Variants in IQGAP3 observed in about 807,000 individuals in gnomAD.
IQGAP3 encodes the protein IQ motif containing GTPase activating protein 3.
IQGAP3 carries 165 observed loss-of-function variants against 208.2 expected under a neutral mutation model. That is an observed-to-expected ratio of 0.79 (90% CI 0.70 to 0.90). The LOEUF is 0.90. Ranked by LOEUF, IQGAP3 falls within the 40% of genes least tolerant of loss-of-function variation. The probability of loss-of-function intolerance (pLI) is 0.00; values close to 1 mark genes in which losing one functional copy is unlikely to be tolerated. For synonymous variants in IQGAP3, 703 were observed against 803.6 expected, an observed-to-expected ratio of 0.87 and a Z score of 2.12; for missense variants, 1,811 against 2,043.1, an observed-to-expected ratio of 0.89 and a Z score of 2.19.
intron 10 of IQGAP3, 113 bp from the exon 11 acceptor site, chr1:156,561,134 C>T: frequency 1.4e-6 from 1 of 701,566 alleles, no homozygotes; most frequent in Non-Finnish European, 2.5e-6. Context: ...CTCAATCCTA[C>T]CTCTCTCCGT....
At chr1:156,537,854 C>A (rs1051104825) in intron 26 of IQGAP3, among the ~76,000 whole-genome samples, 2 of 152,070 alleles carry the variant, frequency 1.3e-5, no homozygotes, top group Admixed American at 6.5e-5. Context: ...TTCTTCTATA[C>A]CCCTATCAAT....
chr1:156,533,160 CACACACAT>C, intron 31 of IQGAP3, 54 bp from the exon 32 acceptor site: 1 of 1,580,226 alleles, frequency 6.3e-7, no homozygotes, highest in Non-Finnish European at 8.7e-7. Flanking sequence ...CACATGCGCA[CACACACAT>C]ACACACACAC....
chr1:156,560,904 G>C, intron 11 of IQGAP3, 30 bp downstream of exon 11: 1 of 1,458,956 alleles, frequency 6.9e-7, no homozygotes, highest in East Asian at 2.3e-5. Flanking sequence ...GATACGCACA[G>C]AGCAGGCCTC....
Position 156,548,669 on chromosome 1 carries a change from G to T in IQGAP3, c.1905C>A (p.Pro635=). 1 of 1,612,276 alleles carries T rather than the reference G, an allele frequency of 6.2e-7. No individual in the cohort carries two copies. Among genetic ancestry groups the T allele is most frequent in the Non-Finnish European group, 8.5e-7 (1 of 1,178,860 alleles). The change falls in exon 17 of 38, where the codon CCC becomes CCA. Residue 635 remains proline (P), a synonymous_variant. Coordinates refer to ENST00000361170, the MANE Select transcript of IQGAP3 (RefSeq NM_178229.5). Reference sequence around the variant, plus strand: ...GAACTACCCCTCGAAGGGCCACTGCGGGGTTCCTCAACACCCGCTCAGTCT... The same window carrying T: ...GAACTACCCCTCGAAGGGCCACTGCTGGGTTCCTCAACACCCGCTCAGTCT... ...AAQTERVLRN[P]AVALRGVVPD...
At chr1:156,546,612 C>T (rs749902661) in intron 19 of IQGAP3, among the ~76,000 whole-genome samples, 6 of 152,156 alleles carry the variant, frequency 3.9e-5, no homozygotes, top group Non-Finnish European at 7.3e-5. Context: ...ATGCTAAGTG[C>T]TACATGTAAT....
rs376756901 is a variant in IQGAP3, at chr1:156,566,091, T to A, written c.296A>T (p.His99Leu). ...EQLRYQATGL[H>L]FRHTDNINFW... ...GTTGATGTTGTCTGTGTGACGGAAA[T>A]GTAAGCCAGTTGCCTGAAAGGGAAG... Residue 99 changes from histidine to leucine, a missense_variant, in exon 4 of 38, where the codon CAT becomes CTT. Transcript: ENST00000361170. The A allele has an allele frequency of 1.9e-5, 31 of 1,613,660 alleles. No individual in the cohort carries two copies. Among genetic ancestry groups the A allele is most frequent in the African/African-American group, 2.7e-5 (2 of 74,884 alleles).
chr1:156,534,417 C>A, intron 29 of IQGAP3, 84 bp downstream of exon 29: 1 of 1,120,936 alleles, frequency 8.9e-7, no homozygotes, highest in East Asian at 2.4e-5. Flanking sequence ...TGCCTCTTGT[C>A]CTCATGGATT....
In IQGAP3 at chr1:156,525,714, A is replaced by C. The variant is rs1674010804; in HGVS notation, c.*772T>G. On this transcript the variant is annotated 3_prime_UTR_variant, in exon 38 of 38. Coordinates refer to ENST00000361170, the MANE Select transcript of IQGAP3 (RefSeq NM_178229.5). ...TATTAGTTTGAATAGGGAAAATGAG[A>C]ACTCTCTTTGAGCTCAAAAAAAAAA... The C allele has an allele frequency of 8.0e-6, 1 of 125,774 alleles. No individual in the cohort carries two copies. Among genetic ancestry groups the C allele is most frequent in the African/African-American group, 2.9e-5 (1 of 34,834 alleles). 7.8% of individuals were successfully genotyped at this position (125,774 alleles called of 1,614,324 possible).
chr1:156,536,168 G>A (rs749575201), intron 27 of IQGAP3, among the ~76,000 whole-genome samples: 1 of 152,108 alleles, frequency 6.6e-6, no homozygotes, highest in Non-Finnish European at 1.5e-5. Context: ...GGGGAGCAGG[G>A]TTATAAACTC....
At chr1:156,554,190 A>C (rs1675705253) in intron 13 of IQGAP3, 45 bp downstream of exon 13, 1 of 1,552,318 alleles carries the variant, frequency 6.4e-7, no homozygotes, top group East Asian at 2.3e-5. Context: ...TCTTGGCTGC[A>C]TTCCCCCATC....
At chr1:156,565,715 CT>C (rs1327766951) in intron 4 of IQGAP3, among the ~76,000 whole-genome samples, 1 of 152,204 alleles carries the variant, frequency 6.6e-6, no homozygotes, top group Non-Finnish European at 1.5e-5. Context: ...TTGCTTCACA[CT>C]GTGAAATTTG....
intron 16 of IQGAP3, among the ~76,000 whole-genome samples, chr1:156,549,808 A>ACTAACAC (rs749474121): frequency 6.2e-4 from 95 of 152,206 alleles, no homozygotes; most frequent in Middle Eastern, 3.4e-3. Context: ...CCAGCACCAA[A>ACTAACAC]CATCAGCACA....
At chr1:156,565,500 A>G (rs1187659190) in intron 4 of IQGAP3, among the ~76,000 whole-genome samples, 2 of 152,234 alleles carry the variant, frequency 1.3e-5, no homozygotes. Context: ...CTTCATTTGT[A>G]TAGCTCTTCA....
chr1:156,548,271 G>T (rs1419611184), intron 18 of IQGAP3, 28 bp from the exon 19 acceptor site: 5 of 1,609,386 alleles, frequency 3.1e-6, no homozygotes, highest in Non-Finnish European at 4.2e-6. Flanking sequence ...AGACGCTGTG[G>T]TCTTTTGGGG....
At chr1:156,534,471 AAG>A (rs777007529) in intron 29 of IQGAP3, 28 bp downstream of exon 29, 2 of 1,471,062 alleles carry the variant, frequency 1.4e-6, no homozygotes, top group Non-Finnish European at 1.8e-6. Context: ...AGAGGGAAGA[AAG>A]GGGACAGAGA....
At chr1:156,527,695 T>G (rs1674168333) in intron 37 of IQGAP3, among the ~76,000 whole-genome samples, 1 of 152,178 alleles carries the variant, frequency 6.6e-6, no homozygotes, top group Admixed American at 6.5e-5. Context: ...GCTTCAAATA[T>G]TAATCCTGCT....
At position 156,530,328 on chromosome 1, in the gene IQGAP3, A is replaced by G. The variant is rs1446367078; in HGVS notation, c.4192-11T>C. 2.5e-6 allele frequency: 4 copies of G among 1,602,386 alleles called. No homozygotes were observed. The African/African-American group carries it at 5.3e-5, about 21-fold the overall frequency. ...CTTGTGGGCTGCTTCCTGGGGACAC[A>G]CAGACGCTGGAGGGGTCTACCAGGT... On this transcript the variant is annotated splice_polypyrimidine_tract_variant and intron_variant, in intron 33 of 37. Transcript: ENST00000361170.
intron 1 of IQGAP3, among the ~76,000 whole-genome samples, chr1:156,570,237 C>A (rs752858538): frequency 6.6e-5 from 10 of 152,204 alleles, no homozygotes; most frequent in Non-Finnish European, 1.5e-4. Flanking sequence ...CAGACCCCTA[C>A]TCTTAAGAAA....
Position 156,564,611 on chromosome 1 carries a change from T to A in IQGAP3, c.437+4A>T. The A allele has an allele frequency of 6.2e-7, 1 of 1,605,232 alleles. No homozygotes were observed. The highest frequency in any genetic ancestry group is 1.1e-5 in the South Asian group (1 of 90,894). ...CCTGGATGATAAAATTTGAGGTCTCTCACCTGAGAGCATGGATGCAGTAGA... is the reference window on the plus strand; with the variant it reads ...CCTGGATGATAAAATTTGAGGTCTCACACCTGAGAGCATGGATGCAGTAGA... On this transcript the variant is annotated splice_donor_region_variant and intron_variant, in intron 5 of 37. Coordinates refer to ENST00000361170, the MANE Select transcript of IQGAP3 (RefSeq NM_178229.5).
Sources: gnomAD v4.1 joint callset for allele counts (sites outside exome capture counted in the v4.1 genomes callset) on GRCh38, gnomAD v4.1.1 for gene constraint, MANE v1.5 for transcripts, NCBI Gene and HGNC (gene_info 2026-07-23, HGNC 2026-07-21) for gene names.